The following RNF214 variants were observed in gnomAD, a reference collection of about 807,000 sequenced individuals.
RNF214 encodes the protein ring finger protein 214.
A neutral mutation model predicts 75.9 loss-of-function variants in RNF214; 25 were observed. The ratio of observed to expected loss-of-function variants is 0.33; its 90% CI spans 0.24 to 0.46. The LOEUF is 0.46. Among genes scored for constraint, RNF214 ranks in the 20% least tolerant of loss-of-function variants. The pLI is 1.00. For missense variants in RNF214, 725 were observed against 857.5 expected, an observed-to-expected ratio of 0.85 and a Z score of 1.93; for synonymous variants, 314 against 308.8, an observed-to-expected ratio of 1.02 and a Z score of -0.18.
At chr11:117,278,941 G>C (rs1423497275) in intron 6 of RNF214, among the ~76,000 whole-genome samples, 1 of 152,034 alleles carries the variant, frequency 6.6e-6, no homozygotes, top group Non-Finnish European at 1.5e-5. Context: ...AAAATAATAA[G>C]TAAGCATCAG....
intron 6 of RNF214, among the ~76,000 whole-genome samples, chr11:117,269,244 TAAA>T (rs970918927): frequency 2.0e-5 from 3 of 151,636 alleles, no homozygotes; most frequent in African/African-American, 7.3e-5. Context: ...TCTCTAAAAA[TAAA>T]AAATGAAAAA....
chr11:117,283,073 A>C, intron 13 of RNF214, 42 bp from the exon 14 acceptor site: 1 of 1,400,198 alleles, frequency 7.1e-7, no homozygotes, highest in Non-Finnish European at 1.0e-6. Context: ...AAGGAGACCC[A>C]GAGGTTCCTT....
At chr11:117,271,273 C>A (rs968366458) in intron 6 of RNF214, among the ~76,000 whole-genome samples, 3 of 152,210 alleles carry the variant, frequency 2.0e-5, no homozygotes, top group African/African-American at 7.2e-5. Flanking sequence ...GAAGACAGCT[C>A]CTACTCTTTG....
intron 1 of RNF214, 88 bp from the exon 2 acceptor site, chr11:117,234,179 C>T: frequency 1.1e-6 from 1 of 938,310 alleles, no homozygotes. Context: ...TGCGACAGCT[C>T]TGTTGTGTGG....
In RNF214 at chr11:117,244,481, C is replaced by G. The variant is rs1235079855; in HGVS notation, c.715C>G (p.Arg239Gly). 1.2e-6 allele frequency: 2 copies of G among 1,611,432 alleles called. 1 individual carries two copies. The highest frequency in any genetic ancestry group is 1.7e-6 in the Non-Finnish European group (2 of 1,178,336). Residue 239 changes from arginine (R) to glycine (G), a missense_variant, in exon 5 of 15, where the codon CGT becomes GGT. Around this residue, in one of 2 missense-constraint regions of RNF214, gnomAD observed 362 missense variants for 344.5 expected, o/e 1.05. Coordinates refer to ENST00000300650, the MANE Select transcript of RNF214 (RefSeq NM_207343.4). ...GACAGAGAGAACCCTGTTGAAAGAGCGTTACCAGGAGGTCCTGGACAAACA... is the reference window on the plus strand; with the variant it reads ...GACAGAGAGAACCCTGTTGAAAGAGGGTTACCAGGAGGTCCTGGACAAACA... ...MMTERTLLKE[R>G]YQEVLDKQRQ...
intron 6 of RNF214, among the ~76,000 whole-genome samples, chr11:117,256,738 A>G (rs1030198781): frequency 8.5e-5 from 13 of 152,330 alleles, no homozygotes; most frequent in Middle Eastern, 3.4e-3. Context: ...CTGTTGGTCA[A>G]TATGAGTCAC....
chr11:117,283,150 G>A lies in RNF214; in HGVS notation c.1986G>A (p.Gln662=). The change falls in exon 14 of 15, where the codon CAG becomes CAA. Residue 662 remains glutamine, a synonymous_variant. Coordinates refer to ENST00000300650, the MANE Select transcript of RNF214 (RefSeq NM_207343.4). ...PATCKLCLMC[Q]KLVQPSELHP... is the part of the protein sequence containing the mutation. ...CCTGTAAGCTATGTCTAATGTGCCA[G>A]AAACTCGTCCAGCCCAGTGAGCTGC... 6.2e-7 allele frequency: 1 copy of A among 1,614,120 alleles called. No individual in the cohort carries two copies.
intron 5 of RNF214, among the ~76,000 whole-genome samples, chr11:117,245,832 T>C (rs1262038842): frequency 6.6e-6 from 1 of 152,142 alleles, no homozygotes; most frequent in Non-Finnish European, 1.5e-5. Flanking sequence ...AAGAAATGCA[T>C]ACCTAAGTAT....
chr11:117,243,847 G>T (rs2033143221), intron 4 of RNF214, among the ~76,000 whole-genome samples: 1 of 152,206 alleles, frequency 6.6e-6, no homozygotes, highest in African/African-American at 2.4e-5. Flanking sequence ...GAGCCACCGT[G>T]CCTTGCCTAG....
At chr11:117,246,599 T>C (rs1397429881) in intron 5 of RNF214, among the ~76,000 whole-genome samples, 1 of 152,240 alleles carries the variant, frequency 6.6e-6, no homozygotes, top group Admixed American at 6.5e-5. Flanking sequence ...TTATTTTTCC[T>C]GTTGAGTTGA....
chr11:117,281,939 C>G lies in RNF214; in HGVS notation c.1381C>G (p.Pro461Ala), dbSNP rs1424055272. ...GTTTCAACCCAGTCCCTCTCTGGCT[C>G]CTCGGATGCCCTTCTCCATTGGGCA... is the stretch of plus-strand genomic sequence containing the variant. ...QVFQPSPSLA[P>A]RMPFSIGQVT... The change falls in exon 11 of 15, where the codon CCT becomes GCT. Residue 461 changes from proline to alanine, a missense_variant. Physicochemically the swap from Pro to Ala is conservative, Grantham distance 27. Transcript: ENST00000300650. 6.2e-6 allele frequency: 10 copies of G among 1,614,132 alleles called. No homozygotes were observed. The highest frequency in any genetic ancestry group is 1.7e-5 in the Admixed American group (1 of 60,010).
chr11:117,283,395 C>G (rs2034169746), intron 14 of RNF214, among the ~76,000 whole-genome samples, 185 bp downstream of exon 14: 1 of 151,916 alleles, frequency 6.6e-6, no homozygotes, highest in South Asian at 2.1e-4. Context: ...GAGTCTCGCT[C>G]TGTTGCCCAG....
intron 6 of RNF214, among the ~76,000 whole-genome samples, chr11:117,250,576 T>C (rs888635660): frequency 1.3e-5 from 2 of 150,482 alleles, no homozygotes; most frequent in Non-Finnish European, 3.0e-5. Flanking sequence ...CAGGTAGACA[T>C]TCATTTTATT....
At position 117,281,910 on chromosome 11, in the gene RNF214, A is replaced by G. The variant is rs756745357; in HGVS notation, c.1352A>G (p.Gln451Arg). 5.6e-6 allele frequency: 9 copies of G among 1,613,500 alleles called. No homozygotes were observed. The highest frequency in any genetic ancestry group is 6.8e-6 in the Non-Finnish European group (8 of 1,179,760). Reference sequence around the variant, plus strand: ...CCTCTGCAGACAGACTTCATGCTTCAGGTGTTTCAACCCAGTCCCTCTCTG... The same window carrying G: ...CCTCTGCAGACAGACTTCATGCTTCGGGTGTTTCAACCCAGTCCCTCTCTG... ...PPPSETDFML[Q>R]VFQPSPSLAP... Residue 451 changes from glutamine (Q) to arginine (R), a missense_variant, in exon 11 of 15, where the codon CAG (glutamine) becomes CGG (arginine). Physicochemically the swap from Gln to Arg is conservative, Grantham distance 43. Around this residue, in one of 2 missense-constraint regions of RNF214, gnomAD observed 363 missense variants for 513.0 expected, o/e 0.71. Coordinates refer to ENST00000300650, the MANE Select transcript of RNF214 (RefSeq NM_207343.4).
intron 4 of RNF214, among the ~76,000 whole-genome samples, chr11:117,240,871 G>A (rs540981114): frequency 6.6e-5 from 10 of 151,814 alleles, no homozygotes; most frequent in Admixed American, 5.9e-4. Flanking sequence ...GTGAAACCTC[G>A]TCCCTACTAA....
chr11:117,259,167 G>A (rs1264725976), intron 6 of RNF214, among the ~76,000 whole-genome samples: 2 of 152,140 alleles, frequency 1.3e-5, no homozygotes, highest in East Asian at 3.9e-4. Flanking sequence ...ATGTTGCCCA[G>A]ACTGGTCTCA....
At chr11:117,246,745 G>A in intron 5 of RNF214, 64 bp from the exon 6 acceptor site, 1 of 1,412,200 alleles carries the variant, frequency 7.1e-7, no homozygotes, top group Non-Finnish European at 9.4e-7. Flanking sequence ...AATAACCTTT[G>A]CATCAAAAGA....
At chr11:117,270,614 A>AAG (rs1461553606) in intron 6 of RNF214, among the ~76,000 whole-genome samples, 1 of 149,792 alleles carries the variant, frequency 6.7e-6, no homozygotes, top group African/African-American at 2.5e-5. Flanking sequence ...CACCCGGCTA[A>AAG]TTTTTGTATT....
intron 13 of RNF214, 66 bp from the exon 14 acceptor site, chr11:117,283,049 T>A (rs368099140): frequency 1.7e-6 from 2 of 1,154,056 alleles, no homozygotes; most frequent in Admixed American, 3.9e-5. Flanking sequence ...CATGGAATTA[T>A]GGGCATAAAA....
Sources: gnomAD v4.1 joint callset for allele counts (sites outside exome capture counted in the v4.1 genomes callset) on GRCh38, gnomAD v4.1.1 for gene constraint, gnomAD v4.1.1 regional missense constraint, MANE v1.5 for transcripts, NCBI Gene and HGNC (gene_info 2026-07-23, HGNC 2026-07-21) for gene names.